The following RBBP8 variants were observed in gnomAD, a reference collection of about 807,000 sequenced individuals.
RBBP8 encodes RB binding protein 8, endonuclease.
RBBP8 carries 88 observed loss-of-function variants against 108.3 expected under a neutral mutation model. That is an observed-to-expected ratio of 0.81 (90% CI 0.68 to 0.97). RBBP8 has a LOEUF of 0.97. RBBP8 is among the 50% of genes least tolerant of loss of function. The probability of loss-of-function intolerance (pLI) is 0.00; values close to 1 mark genes in which losing one functional copy is unlikely to be tolerated. For synonymous variants in RBBP8, 332 were observed against 348.2 expected (o/e 0.95, Z 0.52); for missense variants, 1,023 against 1,049.0 (o/e 0.98, Z 0.34).
intron 3 of RBBP8, chr18:22,920,828 T>C (rs1322058191): frequency 6.6e-6 from 1 of 152,184 alleles, no homozygotes; most frequent in Non-Finnish European, 1.5e-5. Flanking sequence ...TTAGAATCTC[T>C]GGTTGGTAGA....
intron 6 of RBBP8, among the ~76,000 whole-genome samples, chr18:22,975,572 C>A (rs1294443296): frequency 1.3e-5 from 2 of 151,990 alleles, no homozygotes; most frequent in African/African-American, 4.8e-5. Flanking sequence ...ATAAGTGTTT[C>A]CTCTTATATA....
rs1052345211 is a variant in RBBP8, at chr18:22,968,912, G to A, written c.355G>A (p.Glu119Lys). ...GCAGCAGAATCTTAAACTTATTACA[G>A]AACTTAGTGAGTTTCCTTTCTTCAT... ...IRQQNLKLITELMNERNTLQE... is the reference protein window; with the variant it reads ...IRQQNLKLITKLMNERNTLQE... Residue 119 changes from glutamate (E) to lysine (K), a missense_variant, in exon 5 of 19, where the codon GAA (glutamate) becomes AAA (lysine). Glu to Lys is a moderately conservative substitution (Grantham distance 56). Coordinates refer to ENST00000327155, the MANE Select transcript of RBBP8 (RefSeq NM_002894.3). 3.5e-5 allele frequency: 56 copies of A among 1,602,588 alleles called. No homozygotes were observed. Among genetic ancestry groups the A allele is most frequent in the Non-Finnish European group, 4.5e-5 (53 of 1,170,264 alleles).
chr18:23,022,011 T>G, intron 17 of RBBP8, 118 bp from the exon 18 acceptor site: 1 of 815,068 alleles, frequency 1.2e-6, no homozygotes, highest in Non-Finnish European at 2.1e-6. Flanking sequence ...GGATTAAGTT[T>G]CCTTAGACTG....
chr18:23,016,782 T>C, intron 16 of RBBP8, 46 bp from the exon 17 acceptor site: 1 of 1,317,444 alleles, frequency 7.6e-7, no homozygotes, highest in Non-Finnish European at 1.1e-6. Context: ...GGATTATTTC[T>C]CCTCTGAACT....
intron 5 of RBBP8, among the ~76,000 whole-genome samples, chr18:22,973,797 A>G (rs1033529403): frequency 6.6e-6 from 1 of 152,072 alleles, no homozygotes; most frequent in Non-Finnish European, 1.5e-5. Flanking sequence ...TTTTTGATGA[A>G]TGCCTTCCTG....
At chr18:22,978,147 A>G (rs1419800318) in intron 6 of RBBP8, among the ~76,000 whole-genome samples, 1 of 152,196 alleles carries the variant, frequency 6.6e-6, no homozygotes, top group Non-Finnish European at 1.5e-5. Flanking sequence ...AAAGGAAAAA[A>G]GCTGAATATT....
chr18:22,998,503 T>A (rs998320435), intron 14 of RBBP8, among the ~76,000 whole-genome samples: 2 of 152,230 alleles, frequency 1.3e-5, no homozygotes, highest in Non-Finnish European at 2.9e-5. Flanking sequence ...TAGAGGCACA[T>A]GACATGAGAA....
At chr18:22,956,001 A>G (rs1330314684) in intron 4 of RBBP8, among the ~76,000 whole-genome samples, 6 of 152,144 alleles carry the variant, frequency 3.9e-5, no homozygotes, top group Admixed American at 3.9e-4. Context: ...GATCATCTCA[A>G]AGTATTTGTG....
At chr18:22,925,161 C>T (rs957417980) in intron 3 of RBBP8, among the ~76,000 whole-genome samples, 1 of 152,114 alleles carries the variant, frequency 6.6e-6, no homozygotes, top group Non-Finnish European at 1.5e-5. Flanking sequence ...TGAGCTGCTG[C>T]ACTTGGCCGG....
chr18:23,022,646 T>TATAAAA lies in RBBP8; in HGVS notation c.2596+377_2596+378insTAAAAA, dbSNP rs1437856449. Among the ~76,000 whole-genome samples the TATAAAA allele has an allele frequency of 6.9e-4, 20 of 29,114 alleles. 3 individuals carry two copies. Among genetic ancestry groups the TATAAAA allele is most frequent in the African/African-American group, 1.6e-3 (18 of 11,052 alleles). The allele number at this position is 29,114 out of a possible 152,430, so 19.1% of individuals were successfully genotyped here. On this transcript the variant is annotated intron_variant, in intron 18 of 18. Coordinates refer to ENST00000327155, the MANE Select transcript of RBBP8 (RefSeq NM_002894.3). ...ATAAAATAAAATAAAATAAATAAAATACAATATAAAATAAAATAAAATAAA... is the reference window on the plus strand; with the variant it reads ...ATAAAATAAAATAAAATAAATAAAATATAAAAACAATATAAAATAAAATAAAATAAA...
At chr18:23,022,642 A>AAAAT (rs1555650083) in intron 18 of RBBP8, among the ~76,000 whole-genome samples, 2 of 58,712 alleles carry the variant, frequency 3.4e-5, no homozygotes, top group African/African-American at 5.8e-5. Context: ...TAAAATAAAT[A>AAAAT]AAATACAATA....
chr18:22,929,481 T>G (rs1567939581), upstream of RBBP8: 2 of 6,160 alleles, frequency 3.2e-4, no homozygotes, highest in African/African-American at 6.5e-4. Context: ...TGTGTGTGTG[T>G]GTGTGTGTGT....
upstream of RBBP8, among the ~76,000 whole-genome samples, chr18:22,929,783 T>G (rs532520507): frequency 2.6e-5 from 4 of 152,220 alleles, no homozygotes; most frequent in South Asian, 6.2e-4. Context: ...TCAATTGTCT[T>G]GTTTAATCAG....
At chr18:22,978,415 T>C (rs1914643624) in intron 6 of RBBP8, among the ~76,000 whole-genome samples, 1 of 152,204 alleles carries the variant, frequency 6.6e-6, no homozygotes, top group Non-Finnish European at 1.5e-5. Context: ...TTGGTTAACA[T>C]ATGGAGTTTT....
chr18:23,000,680 G>A (rs1197613865), intron 14 of RBBP8, among the ~76,000 whole-genome samples: 1 of 151,040 alleles, frequency 6.6e-6, no homozygotes, highest in East Asian at 1.9e-4. Flanking sequence ...AGGCGAGGTT[G>A]CAGTGAGCCA....
exon 3 of RBBP8, chr18:22,917,004 T>TG (rs1280940356): frequency 6.6e-6 from 1 of 152,088 alleles, no homozygotes; most frequent in Admixed American, 6.6e-5. Flanking sequence ...ATCTTAGAGG[T>TG]GATAGAAGCT....
chr18:22,940,174 C>CA (rs1333364318), intron 2 of RBBP8, among the ~76,000 whole-genome samples: 1 of 151,674 alleles, frequency 6.6e-6, no homozygotes, highest in African/African-American at 2.4e-5. Flanking sequence ...TCTATTTCTG[C>CA]AAAAAATGTT....
intron 16 of RBBP8, among the ~76,000 whole-genome samples, chr18:23,008,166 A>C (rs1435057762): frequency 1.3e-5 from 2 of 152,176 alleles, no homozygotes; most frequent in Non-Finnish European, 2.9e-5. Context: ...AAGGACTGCA[A>C]ATTCTGTTAC....
At chr18:22,916,066 A>ATT (rs1909343406) in intron 2 of RBBP8, among the ~76,000 whole-genome samples, 1 of 152,110 alleles carries the variant, frequency 6.6e-6, no homozygotes, top group Admixed American at 6.5e-5. Flanking sequence ...GGATATATAA[A>ATT]TTTGTCAATC....
Sources: allele counts gnomAD v4.1 joint callset (sites outside exome capture counted in the v4.1 genomes callset), GRCh38; gene constraint gnomAD v4.1.1; transcripts MANE v1.5; gene names NCBI Gene and HGNC (gene_info 2026-07-23, HGNC 2026-07-21).